The following LIPJ variants were observed in gnomAD, a reference collection of about 807,000 sequenced individuals.
LIPJ encodes lipase member J.
In LIPJ, 33 loss-of-function variants were observed where a neutral mutation model predicts 39.8. The ratio of observed to expected loss-of-function variants is 0.83; its 90% CI spans 0.63 to 1.11. The LOEUF is 1.11. Ranked by LOEUF, LIPJ falls within the 50% of genes least tolerant of loss-of-function variation. The pLI is 0.00. For synonymous variants in LIPJ, 128 were observed against 139.2 expected, an observed-to-expected ratio of 0.92 and a Z score of 0.57; for missense variants, 422 against 427.9, an observed-to-expected ratio of 0.99 and a Z score of 0.12.
At chr10:88,601,389 T>A (rs1851471476) in intron 8 of LIPJ, among the ~76,000 whole-genome samples, 1 of 152,058 alleles carries the variant, frequency 6.6e-6, no homozygotes, top group South Asian at 2.1e-4. Context: ...TAGCTAATTG[T>A]CAGTGCCCAT....
Position 88,599,051 on chromosome 10 carries a change from T to C in LIPJ, c.723+2115T>C, listed in dbSNP as rs567735804. 4.0e-5 allele frequency among the ~76,000 whole-genome samples: 6 copies of C among 148,182 alleles called. No homozygotes were observed. In the East Asian group the frequency reaches 1.2e-3, roughly 29 times the overall value. On this transcript the variant is annotated intron_variant, in intron 8 of 10. Coordinates refer to ENST00000371939, the Ensembl canonical transcript of LIPJ. Reference sequence around the variant, plus strand: ...TTTAATATATAGAGGACATGATAAATACCTGAGAAGAATGTTTCTGTTAAA... The same window carrying C: ...TTTAATATATAGAGGACATGATAAACACCTGAGAAGAATGTTTCTGTTAAA...
chr10:88,602,861 G>A (rs1401667196), intron 9 of LIPJ, among the ~76,000 whole-genome samples: 1 of 152,196 alleles, frequency 6.6e-6, no homozygotes, highest in African/African-American at 2.4e-5. Flanking sequence ...GGAGGCCGAG[G>A]CGGGTGGATC....
chr10:88,610,866 T>G (rs1168486502), downstream of LIPJ, among the ~76,000 whole-genome samples: 1 of 152,234 alleles, frequency 6.6e-6, no homozygotes, highest in Non-Finnish European at 1.5e-5. Flanking sequence ...TAAAATTTAA[T>G]TTGAAATTAG....
the LIPJ span, among the ~76,000 whole-genome samples, chr10:88,612,247 A>AT: frequency 6.6e-6 from 1 of 152,238 alleles, no homozygotes; most frequent in Admixed American, 6.5e-5. Flanking sequence ...CAGCACTACA[A>AT]GAACTGCTAA....
At chr10:88,608,014 A>G (rs1851705944), downstream of LIPJ, among the ~76,000 whole-genome samples, 1 of 152,222 alleles carries the variant, frequency 6.6e-6, no homozygotes, top group African/African-American at 2.4e-5. Flanking sequence ...GCAGACAGAG[A>G]AAAATAGAAA....
At chr10:88,609,347 C>A (rs1334398841), downstream of LIPJ, among the ~76,000 whole-genome samples, 1 of 152,202 alleles carries the variant, frequency 6.6e-6, no homozygotes. Context: ...AGAATAGATA[C>A]ATCTTTAGAG....
intron 5 of LIPJ, 44 bp from the exon 6 acceptor site, chr10:88,594,623 C>T: frequency 1.1e-6 from 1 of 915,238 alleles, no homozygotes; most frequent in Non-Finnish European, 1.6e-6. Context: ...ACTAACATAA[C>T]ATTAGTAGAA....
At chr10:88,594,870 T>C (rs1851205806) in intron 6 of LIPJ, 94 bp downstream of exon 6, 1 of 506,336 alleles carries the variant, frequency 2.0e-6, no homozygotes, top group Non-Finnish European at 3.4e-6. Flanking sequence ...TCTAGACCTG[T>C]AAGTAAAACA....
At chr10:88,583,632 G>A (rs1850793352), upstream of LIPJ, 1 of 989,298 alleles carries the variant, frequency 1.0e-6, no homozygotes, top group Admixed American at 6.1e-5. Flanking sequence ...GTGGGAAGAA[G>A]AATTTACCAG....
At chr10:88,585,966 G>A (rs180876565), upstream of LIPJ, among the ~76,000 whole-genome samples, 8 of 152,138 alleles carry the variant, frequency 5.3e-5, no homozygotes, top group East Asian at 7.7e-4. Flanking sequence ...CTGTGCTTTC[G>A]CTAAACTGAA....
At chr10:88,590,474 T>C (rs945080486) in intron 2 of LIPJ, 111 bp from the exon 3 acceptor site, 1 of 435,588 alleles carries the variant, frequency 2.3e-6, no homozygotes, top group African/African-American at 2.1e-5. Flanking sequence ...CTCTGTTTTC[T>C]TACCTGAAAA....
the LIPJ span, among the ~76,000 whole-genome samples, chr10:88,621,747 C>T: frequency 2.6e-5 from 4 of 152,194 alleles, no homozygotes; most frequent in African/African-American, 9.6e-5. Flanking sequence ...TGGTAAGAGA[C>T]GGCCTCACTA....
upstream of LIPJ, chr10:88,583,461 C>T (rs1204371201): frequency 2.3e-6 from 3 of 1,319,468 alleles, no homozygotes; most frequent in Admixed American, 3.4e-5. Context: ...CGCCCTGCCC[C>T]TCGCCCAGAA....
chr10:88,588,272 CTA>C (rs1433409457), intron 2 of LIPJ, among the ~76,000 whole-genome samples: 1 of 151,750 alleles, frequency 6.6e-6, no homozygotes, highest in Admixed American at 6.6e-5. Flanking sequence ...CTTAAAAACT[CTA>C]TCTCTCCAAG....
chr10:88,593,638 T>TA (rs1851154559), intron 4 of LIPJ: 1 of 191,376 alleles, frequency 5.2e-6, no homozygotes, highest in South Asian at 1.5e-4. Flanking sequence ...TAAAATGTGT[T>TA]ACTTAAAATG....
At chr10:88,582,968 G>A (rs1048901138), upstream of LIPJ, 155 of 1,314,592 alleles carry the variant, frequency 1.2e-4, no homozygotes, top group African/African-American at 3.7e-4. Flanking sequence ...GGGAGCTGAG[G>A]GTATAGCGTT....
chr10:88,598,625 C>T (rs1163553848), intron 8 of LIPJ, among the ~76,000 whole-genome samples: 9 of 151,920 alleles, frequency 5.9e-5, no homozygotes, highest in Non-Finnish European at 1.3e-4. Context: ...GAAGTAGAGA[C>T]TCTGGTAAAC....
At chr10:88,596,651 C>T in intron 7 of LIPJ, 139 bp from the exon 8 acceptor site, 1 of 916,714 alleles carries the variant, frequency 1.1e-6, no homozygotes, top group Non-Finnish European at 1.6e-6. Flanking sequence ...CACCCTGCTT[C>T]CAAGTTTTTT....
At chr10:88,606,329 T>C (rs571422203) in intron 10 of LIPJ, among the ~76,000 whole-genome samples, 4 of 152,300 alleles carry the variant, frequency 2.6e-5, no homozygotes, top group East Asian at 1.9e-4. Flanking sequence ...CCAATACTTA[T>C]AATTTATTGA....
Sources: gnomAD v4.1 joint callset for allele counts (sites outside exome capture counted in the v4.1 genomes callset) on GRCh38, gnomAD v4.1.1 for gene constraint, MANE v1.5 for transcripts, NCBI Gene and HGNC (gene_info 2026-07-23, HGNC 2026-07-21) for gene names.